Variants in GRIK4 observed in about 807,000 individuals in gnomAD.
GRIK4 encodes the protein glutamate ionotropic receptor kainate type subunit 4, also known as glutamate receptor ionotropic, kainate 4.
A neutral mutation model predicts 104.9 loss-of-function variants in GRIK4; 40 were observed. The ratio of observed to expected loss-of-function variants is 0.38; its 90% CI spans 0.30 to 0.50. The LOEUF (loss-of-function observed/expected upper bound fraction) is 0.50, where lower values mean the gene tolerates loss of function less well. Among genes scored for constraint, GRIK4 ranks in the 20% least tolerant of loss-of-function variants. The pLI is 0.93. For missense variants in GRIK4, 1,047 were observed against 1,308.1 expected (o/e 0.80, Z 3.08); for synonymous variants, 485 against 524.9 (o/e 0.92, Z 1.04).
chr11:120,871,857 C>T (rs755830185), intron 9 of GRIK4: 47 of 456,114 alleles, frequency 1.0e-4, no homozygotes, highest in Non-Finnish European at 1.8e-4. Context: ...TTTTGTGATG[C>T]GGGTGAACTT....
At chr11:120,773,784 A>G (rs566720552) in intron 3 of GRIK4, among the ~76,000 whole-genome samples, 12 of 152,322 alleles carry the variant, frequency 7.9e-5, no homozygotes, top group Non-Finnish European at 1.6e-4. Flanking sequence ...CTTTATAACC[A>G]CAGACTACTC....
At chr11:120,576,813 ACCACCAG>A (rs757107955) in intron 1 of GRIK4, among the ~76,000 whole-genome samples, 51 of 152,132 alleles carry the variant, frequency 3.4e-4, no homozygotes, top group Admixed American at 1.3e-4. Context: ...CCCCTCTATG[ACCACCAG>A]CCTGTGCTGG....
At chr11:120,600,046 C>T (rs938892115) in intron 1 of GRIK4, among the ~76,000 whole-genome samples, 2 of 152,182 alleles carry the variant, frequency 1.3e-5, no homozygotes, top group African/African-American at 4.8e-5. Context: ...GCGACCTTGC[C>T]ATCCGCCCAC....
chr11:120,902,139 C>T lies in GRIK4; in HGVS notation c.1273-3151C>T, dbSNP rs752649399. Among the ~76,000 whole-genome samples, 6 of 152,176 alleles carry T rather than the reference C, an allele frequency of 3.9e-5. No individual in the cohort carries two copies. The highest frequency in any genetic ancestry group is 9.7e-5 in the African/African-American group (4 of 41,436). On this transcript the variant is annotated intron_variant, in intron 12 of 20. Transcript: ENST00000527524. The surrounding 1 kb of genome is among the most constrained non-coding windows in gnomAD (Gnocchi z 4.5). ...TCAGCACACATTCATGTTGTCTCCC[C>T]GCTCTGGTCAGGGCACACTTGGGGA...
intron 3 of GRIK4, among the ~76,000 whole-genome samples, chr11:120,754,263 C>T (rs1951614552): frequency 1.3e-5 from 2 of 152,206 alleles, no homozygotes; most frequent in Non-Finnish European, 2.9e-5. Flanking sequence ...CTGCCTGCCT[C>T]AGCCTCCCAA....
intron 7 of GRIK4, among the ~76,000 whole-genome samples, chr11:120,835,842 G>A (rs1421731004): frequency 6.6e-6 from 1 of 152,160 alleles, no homozygotes; most frequent in Non-Finnish European, 1.5e-5. Context: ...TTGGCTAGGG[G>A]TATTTATGAC....
intron 1 of GRIK4, among the ~76,000 whole-genome samples, chr11:120,551,561 G>A (rs1195000127): frequency 6.6e-6 from 1 of 152,120 alleles, no homozygotes; most frequent in African/African-American, 2.4e-5. Flanking sequence ...TGGGCAGATT[G>A]CTCGATACCA....
intron 2 of GRIK4, among the ~76,000 whole-genome samples, chr11:120,659,175 G>A (rs1034821024): frequency 6.6e-6 from 1 of 152,088 alleles, no homozygotes; most frequent in Non-Finnish European, 1.5e-5. Context: ...CTCAGTGGGG[G>A]CCAAGGCACG....
intron 1 of GRIK4, among the ~76,000 whole-genome samples, chr11:120,531,543 T>G (rs1030540950): frequency 6.6e-6 from 1 of 152,092 alleles, no homozygotes; most frequent in Non-Finnish European, 1.5e-5. Context: ...CCCAAGGTCA[T>G]GGTTACAGCT....
intron 1 of GRIK4, among the ~76,000 whole-genome samples, chr11:120,518,010 G>T (rs890171830): frequency 5.9e-5 from 9 of 152,222 alleles, no homozygotes; most frequent in African/African-American, 1.9e-4. Context: ...ACATCTGGAG[G>T]CAGGGGAAGC....
rs529520979 is a variant in GRIK4, at chr11:120,669,681, A to T, written c.82+9281A>T. Among the ~76,000 whole-genome samples the T allele has an allele frequency of 1.7e-4, 26 of 152,306 alleles. No homozygotes were observed. The East Asian group carries it at 4.6e-3, about 27-fold the overall frequency. ...CACTTTTTCACTTGGCTTCTAGACC[A>T]CGCCCCATCTTGTTCTTGCACTGTT... On this transcript the variant is annotated intron_variant, in intron 3 of 20. Transcript: ENST00000527524.
At chr11:120,908,609 G>A (rs1035156560) in intron 13 of GRIK4, among the ~76,000 whole-genome samples, 1 of 152,158 alleles carries the variant, frequency 6.6e-6, no homozygotes, top group African/African-American at 2.4e-5. Context: ...GAAGGTGGCA[G>A]GCAGGCGGGG....
intron 3 of GRIK4, among the ~76,000 whole-genome samples, chr11:120,692,374 A>T (rs996238620): frequency 2.6e-5 from 4 of 152,294 alleles, no homozygotes; most frequent in African/African-American, 9.6e-5. Context: ...AGTGCTGGGG[A>T]TACAGAGATG....
intron 1 of GRIK4, among the ~76,000 whole-genome samples, chr11:120,624,585 G>A (rs1949232055): frequency 6.6e-6 from 1 of 152,284 alleles, no homozygotes; most frequent in Admixed American, 6.5e-5. Context: ...CTGGCACCGA[G>A]GGAAGAAAGT....
chr11:120,840,052 G>A (rs1407757566), intron 8 of GRIK4, among the ~76,000 whole-genome samples: 3 of 152,154 alleles, frequency 2.0e-5, no homozygotes, highest in African/African-American at 4.8e-5. Context: ...GGCTGCTCGG[G>A]GGTCACACAG....
intron 3 of GRIK4, among the ~76,000 whole-genome samples, chr11:120,777,708 G>T (rs903830580): frequency 6.6e-6 from 1 of 152,302 alleles, no homozygotes; most frequent in East Asian, 1.9e-4. Flanking sequence ...AGGCCAAGGC[G>T]GGTGGATCAC....
intron 3 of GRIK4, among the ~76,000 whole-genome samples, chr11:120,718,208 A>G (rs1420849221): frequency 6.6e-6 from 1 of 151,578 alleles, no homozygotes; most frequent in Non-Finnish European, 1.5e-5. Context: ...GGAGTTCCTA[A>G]TATGTCCCCT....
In GRIK4 at chr11:120,784,018, A is replaced by T. The variant is rs552003187; in HGVS notation, c.83-18675A>T. Among the ~76,000 whole-genome samples the T allele has an allele frequency of 5.9e-4, 90 of 152,320 alleles. 2 individuals carry two copies. The South Asian group carries it at 0.016, about 27-fold the overall frequency. ...GGGGACAGGGAGCGAGGCAGGGTTC[A>T]CACCCACATCCTAGATGTGGCCTCC... On this transcript the variant is annotated intron_variant, in intron 3 of 20. Coordinates refer to ENST00000527524, the MANE Select transcript of GRIK4 (RefSeq NM_014619.5).
intron 1 of GRIK4, among the ~76,000 whole-genome samples, chr11:120,536,960 C>T (rs1235512207): frequency 6.6e-6 from 1 of 152,226 alleles, no homozygotes; most frequent in East Asian, 1.9e-4. Flanking sequence ...CTAGGGCGTG[C>T]TCCCCATGCT....
Sources: allele counts gnomAD v4.1 joint callset (sites outside exome capture counted in the v4.1 genomes callset), GRCh38; gene constraint gnomAD v4.1.1; non-coding constraint Gnocchi (gnomAD v3.1); transcripts MANE v1.5; gene names NCBI Gene and HGNC (gene_info 2026-07-23, HGNC 2026-07-21).